PCDH15: variants seen among roughly 807,000 people sequenced by gnomAD.
The protein encoded by PCDH15 is protocadherin-15.
In PCDH15, 129 loss-of-function variants were observed where a neutral mutation model predicts 178.5. That is an observed-to-expected ratio of 0.72 (90% CI 0.63 to 0.84). PCDH15 has a LOEUF of 0.84. Ranked by LOEUF, PCDH15 falls within the 40% of genes least tolerant of loss-of-function variation. PCDH15 has a pLI of 0.00. For synonymous variants in PCDH15, 800 were observed against 732.0 expected (o/e 1.09, Z -1.50); for missense variants, 2,230 against 2,099.9 (o/e 1.06, Z -1.21).
intron 14 of PCDH15, among the ~76,000 whole-genome samples, chr10:54,147,387 CTTTG>C (rs1466032945): frequency 6.6e-6 from 1 of 151,742 alleles, no homozygotes; most frequent in African/African-American, 2.4e-5. Flanking sequence ...GAAGATGGCA[CTTTG>C]TTTTCTGGCG....
At chr10:54,220,041 C>T (rs1410529021) in intron 9 of PCDH15, among the ~76,000 whole-genome samples, 1 of 152,108 alleles carries the variant, frequency 6.6e-6, no homozygotes, top group Non-Finnish European at 1.5e-5. Flanking sequence ...TAAGAGTTTT[C>T]AAAAATGCAA....
At chr10:53,943,018 A>G (rs553792040) in intron 23 of PCDH15, among the ~76,000 whole-genome samples, 4 of 152,258 alleles carry the variant, frequency 2.6e-5, no homozygotes, top group African/African-American at 9.6e-5. Flanking sequence ...ATTTTCAAAA[A>G]CTGAATTCCT....
intron 3 of PCDH15, among the ~76,000 whole-genome samples, chr10:54,467,944 T>A (rs561475183): frequency 6.6e-6 from 1 of 152,074 alleles, no homozygotes; most frequent in African/African-American, 2.4e-5. Flanking sequence ...GGCTTTCAAA[T>A]TAGTTAGTGT....
At chr10:53,926,849 T>C (rs1354332169) in intron 25 of PCDH15, among the ~76,000 whole-genome samples, 3 of 152,252 alleles carry the variant, frequency 2.0e-5, no homozygotes, top group Non-Finnish European at 4.4e-5. Context: ...CTACTACTTA[T>C]TGTTTATACC....
intron 17 of PCDH15, among the ~76,000 whole-genome samples, chr10:54,078,780 G>A (rs2094387936): frequency 6.6e-6 from 1 of 151,246 alleles, no homozygotes; most frequent in South Asian, 2.1e-4. Flanking sequence ...GTGAGTTTTA[G>A]GTCCAAAGGA....
chr10:55,385,920 T>C (rs1837649403), intron 2 of PCDH15, among the ~76,000 whole-genome samples: 1 of 151,338 alleles, frequency 6.6e-6, no homozygotes, highest in Admixed American at 6.6e-5. Context: ...CAAACACATA[T>C]TTATAAATAG....
intron 4 of PCDH15, among the ~76,000 whole-genome samples, chr10:54,369,577 C>T (rs1231592624): frequency 1.3e-5 from 2 of 151,842 alleles, no homozygotes; most frequent in Admixed American, 6.6e-5. Context: ...TTTGCCCCTC[C>T]AAAGATTAAA....
intron 26 of PCDH15, among the ~76,000 whole-genome samples, chr10:53,901,647 C>T (rs762179884): frequency 3.3e-5 from 5 of 152,252 alleles, no homozygotes; most frequent in African/African-American, 1.2e-4. Context: ...GAACGAATCC[C>T]ATATTCTAGC....
chr10:55,359,012 T>C (rs1845151242), intron 2 of PCDH15, among the ~76,000 whole-genome samples: 2 of 152,048 alleles, frequency 1.3e-5, no homozygotes, highest in African/African-American at 4.8e-5. Flanking sequence ...AGCAACATAG[T>C]GAGACTCCTT....
rs191504018 is a variant in PCDH15 at position 55,570,548 on chromosome 10, G to A, written c.-156+57077C>T. 4.9e-3 allele frequency among the ~76,000 whole-genome samples: 739 copies of A among 152,004 alleles called. 3 individuals are homozygous for A. Among genetic ancestry groups the A allele is most frequent in the Non-Finnish European group, 7.6e-3 (514 of 67,908 alleles). On this transcript the variant is annotated intron_variant, in intron 2 of 5. Transcript: ENST00000613346. Reference sequence around the variant, plus strand: ...GAGAACACATCTCTGAAATTACAGTGTCAGTCAATGAGAAATATGGCTTGA... The same window carrying A: ...GAGAACACATCTCTGAAATTACAGTATCAGTCAATGAGAAATATGGCTTGA...
chr10:54,081,510 A>C (rs1031181359), intron 16 of PCDH15, among the ~76,000 whole-genome samples: 2 of 152,068 alleles, frequency 1.3e-5, no homozygotes, highest in African/African-American at 4.8e-5. Flanking sequence ...CTTGCGACTC[A>C]GTGTTGTAGG....
At chr10:54,725,834 A>T (rs1942414468) in intron 1 of PCDH15, among the ~76,000 whole-genome samples, 1 of 151,488 alleles carries the variant, frequency 6.6e-6, no homozygotes, top group Non-Finnish European at 1.5e-5. Flanking sequence ...TGGAACTGGA[A>T]TTCTTGGGAA....
chr10:55,413,254 C>T (rs1444348921), intron 2 of PCDH15, among the ~76,000 whole-genome samples: 1 of 150,976 alleles, frequency 6.6e-6, no homozygotes, highest in African/African-American at 2.4e-5. Context: ...TTGTTGAGCA[C>T]TTATTGTTTG....
In PCDH15 at chr10:54,902,283, A is replaced by G. The variant is rs187969287; in HGVS notation, c.-79-4783T>C. Among the ~76,000 whole-genome samples the G allele has an allele frequency of 6.2e-4, 95 of 152,276 alleles. 1 individual carries two copies. The highest frequency in any genetic ancestry group is 2.1e-3 in the African/African-American group (86 of 41,580). ...TTGAAAGAGCTGATACACCACTGAT[A>G]CTGTTTGGTTTTGTGTCCCCACCCA... is the stretch of plus-strand genomic sequence containing the variant. On this transcript the variant is annotated intron_variant, in intron 2 of 5. Coordinates refer to the PCDH15 transcript ENST00000458638.
In PCDH15 at chr10:55,275,589, A is replaced by G. The variant is rs116239810; in HGVS notation, c.-156+44010T>C. Among the ~76,000 whole-genome samples, 876 of 151,818 alleles carry G rather than the reference A, an allele frequency of 5.8e-3. 11 individuals carry two copies. Among genetic ancestry groups the G allele is most frequent in the African/African-American group, 0.02 (822 of 41,380 alleles). On this transcript the variant is annotated intron_variant, in intron 1 of 5. Transcript: ENST00000458638. Reference sequence around the variant, plus strand: ...CGTACTTATAAGAATTTGGGTTGGTATTTGTATATTCTTTTTTGTTTCATT... The same window carrying G: ...CGTACTTATAAGAATTTGGGTTGGTGTTTGTATATTCTTTTTTGTTTCATT...
intron 2 of PCDH15, among the ~76,000 whole-genome samples, chr10:55,496,220 C>A (rs1840530689): frequency 6.6e-6 from 1 of 151,506 alleles, no homozygotes; most frequent in African/African-American, 2.4e-5. Flanking sequence ...GATTTCTCAG[C>A]AGAAATCCCA....
Position 54,599,829 on chromosome 10 carries a change from T to C in PCDH15, c.91+64343A>G. On this transcript the variant is annotated intron_variant, in intron 2 of 37. Coordinates refer to ENST00000644397, the MANE Select transcript of PCDH15 (RefSeq NM_001384140.1). Reference sequence around the variant, plus strand: ...AAGCCTCTAGTGAAAAAGAGGAAGGTGAGCAGAAAGAAGGAGAAACAGAGG... The same window carrying C: ...AAGCCTCTAGTGAAAAAGAGGAAGGCGAGCAGAAAGAAGGAGAAACAGAGG... 3 of 618,542 alleles carry C rather than the reference T, an allele frequency of 4.9e-6. 1 individual carries two copies. The South Asian group carries it at 4.9e-5, about 10-fold the overall frequency. The allele number at this position is 618,542 out of a possible 1,614,324, so 38.3% of individuals were successfully genotyped here.
chr10:54,375,799 ATATAATATATAAATAAAAATATATT>A (rs1463733208), intron 4 of PCDH15, among the ~76,000 whole-genome samples: 10 of 117,430 alleles, frequency 8.5e-5, no homozygotes, highest in African/African-American at 3.3e-4. Context: ...GAATATATAT[ATATAATATATAAATAAAAATATATT>A]TTTGAAATGG....
intron 26 of PCDH15, among the ~76,000 whole-genome samples, chr10:53,885,716 T>A (rs1293247351): frequency 6.6e-6 from 1 of 152,174 alleles, no homozygotes; most frequent in Non-Finnish European, 1.5e-5. Flanking sequence ...AGTATTCATA[T>A]AAGAGAACCA....
Sources: allele counts gnomAD v4.1 joint callset (sites outside exome capture counted in the v4.1 genomes callset), GRCh38; gene constraint gnomAD v4.1.1; transcripts MANE v1.5; gene names NCBI Gene and HGNC (gene_info 2026-07-23, HGNC 2026-07-21).